Variants in TET3 observed in about 807,000 individuals in gnomAD.
TET3 encodes tet methylcytosine dioxygenase 3, also known as methylcytosine dioxygenase TET3.
TET3 carries 19 observed loss-of-function variants against 141.4 expected under a neutral mutation model. The ratio of observed to expected loss-of-function variants is 0.13; its 90% CI spans 0.09 to 0.20. TET3 has a LOEUF of 0.20. Among genes scored for constraint, TET3 ranks in the 10% least tolerant of loss-of-function variants. TET3 has a pLI of 1.00. For missense variants in TET3, 1,874 were observed against 2,356.9 expected, an observed-to-expected ratio of 0.80 and a Z score of 4.24; for synonymous variants, 1,043 against 980.9, an observed-to-expected ratio of 1.06 and a Z score of -1.18.
chr2:74,066,596 A>AGC (rs999475997), intron 4 of TET3, among the ~76,000 whole-genome samples: 125 of 134,418 alleles, frequency 9.3e-4, no homozygotes, highest in African/African-American at 3.5e-3. Flanking sequence ...AAGTAAAAGA[A>AGC]ACTGCTTTTA....
chr2:74,127,930 C>T, the TET3 span, among the ~76,000 whole-genome samples: 1 of 152,174 alleles, frequency 6.6e-6, no homozygotes, highest in African/African-American at 2.4e-5. Context: ...AGTACTGAAA[C>T]AATTCCCAAA....
rs1471171520 is a variant in TET3, at chr2:74,104,384, G to A, written c.*2208G>A. The A allele has an allele frequency of 1.3e-5, 2 of 152,174 alleles. No homozygotes were observed. Among genetic ancestry groups the A allele is most frequent in the Non-Finnish European group, 2.9e-5 (2 of 68,036 alleles). 9.4% of individuals were successfully genotyped at this position (152,174 alleles called of 1,614,324 possible). A position where few individuals can be genotyped will look rare whatever the true frequency, so the allele number is the denominator to read the frequency against. On this transcript the variant is annotated 3_prime_UTR_variant, in exon 12 of 12. Coordinates refer to ENST00000409262, the MANE Select transcript of TET3 (RefSeq NM_001287491.2). ...CCTTCAGTTTGACAAGCTAAAGGAA[G>A]CAGAGTCTTTAATGAGCATGCTAAT...
At chr2:74,118,935 G>A in the TET3 span, among the ~76,000 whole-genome samples, 2 of 152,108 alleles carry the variant, frequency 1.3e-5, no homozygotes, top group Non-Finnish European at 2.9e-5. Context: ...TTATAATTGT[G>A]TTTTCCTCCT....
In TET3 at chr2:74,048,284, C is replaced by T; in HGVS notation, c.2367C>T (p.Asn789=). ...AGGCCACACCCACCAAGGCTGAGAACCCACTCACACCCACCCTCAGTGGCT... is the reference window on the plus strand; with the variant it reads ...AGGCCACACCCACCAAGGCTGAGAATCCACTCACACCCACCCTCAGTGGCT... The part of the protein sequence containing the change: ...GQEATPTKAE[N]PLTPTLSGFL... Residue 789 remains asparagine (N), a synonymous_variant, in exon 4 of 12, where the codon AAC becomes AAT. Coordinates refer to ENST00000409262, the MANE Select transcript of TET3 (RefSeq NM_001287491.2). 2 of 1,613,880 alleles carry T rather than the reference C, an allele frequency of 1.2e-6. No homozygotes were observed. The highest frequency in any genetic ancestry group is 8.5e-7 in the Non-Finnish European group (1 of 1,179,842).
chr2:74,042,799 T>C (rs10191539), intron 3 of TET3, among the ~76,000 whole-genome samples: 59,876 of 152,144 alleles, frequency 0.39, 14,860 homozygotes, highest in African/African-American at 0.7. Flanking sequence ...CCTCCAGCAT[T>C]ACTGACAGGT....
intron 3 of TET3, among the ~76,000 whole-genome samples, chr2:74,005,215 G>A (rs7608044): frequency 0.18 from 27,244 of 152,130 alleles, 3,285 homozygotes; most frequent in African/African-American, 0.34. Flanking sequence ...CCAGCCTAAT[G>A]CCCCAGCCTT....
downstream of TET3, among the ~76,000 whole-genome samples, chr2:74,109,358 A>G (rs539824467): frequency 6.6e-6 from 1 of 152,380 alleles, no homozygotes; most frequent in East Asian, 1.9e-4. Flanking sequence ...GAGTGTGTAA[A>G]TACGACCCAT....
chr2:74,004,302 G>T (rs1013537424), intron 3 of TET3, among the ~76,000 whole-genome samples: 1 of 152,190 alleles, frequency 6.6e-6, no homozygotes, highest in Admixed American at 6.5e-5. Context: ...GATACCCTTA[G>T]TTTCCTCCCT....
intron 3 of TET3, among the ~76,000 whole-genome samples, chr2:74,037,908 A>G (rs887626259): frequency 1.3e-5 from 2 of 152,224 alleles, no homozygotes; most frequent in Non-Finnish European, 2.9e-5. Context: ...ACCTGGTGTC[A>G]TATCTGTATC....
chr2:74,119,189 C>A, the TET3 span, among the ~76,000 whole-genome samples: 1 of 152,038 alleles, frequency 6.6e-6, no homozygotes, highest in Non-Finnish European at 1.5e-5. Context: ...CCTGGCTCTA[C>A]TAAAAATCCA....
chr2:74,113,603 A>T, the TET3 span, among the ~76,000 whole-genome samples: 1 of 148,274 alleles, frequency 6.7e-6, no homozygotes, highest in African/African-American at 2.5e-5. Context: ...GTTGCAGGAT[A>T]AAAAAAAAAA....
intron 5 of TET3, among the ~76,000 whole-genome samples, chr2:74,075,579 T>G (rs1203089805): frequency 6.6e-6 from 1 of 152,124 alleles, no homozygotes; most frequent in Non-Finnish European, 1.5e-5. Context: ...TCTGCCCACG[T>G]TGGCCTCCCA....
chr2:74,108,831 G>A (rs932926120), downstream of TET3, among the ~76,000 whole-genome samples: 1 of 152,162 alleles, frequency 6.6e-6, no homozygotes, highest in African/African-American at 2.4e-5. Context: ...CAGCCCAGCT[G>A]TTGATAAGGA....
chr2:74,021,671 G>A (rs73948287), intron 3 of TET3, among the ~76,000 whole-genome samples: 3,923 of 152,280 alleles, frequency 0.026, 160 homozygotes, highest in African/African-American at 0.087. Flanking sequence ...CCATGGTCAG[G>A]CAGCGTTGAT....
chr2:74,031,444 C>T (rs1686683368), intron 3 of TET3, among the ~76,000 whole-genome samples: 1 of 152,146 alleles, frequency 6.6e-6, no homozygotes, highest in South Asian at 2.1e-4. Context: ...CCAGGCCTTT[C>T]AGATGAACAT....
intron 4 of TET3, among the ~76,000 whole-genome samples, chr2:74,060,705 G>A (rs897804508): frequency 2.0e-5 from 3 of 152,132 alleles, no homozygotes; most frequent in African/African-American, 7.2e-5. Context: ...GGGTACTTGA[G>A]ATTAGGGAGT....
chr2:74,076,238 C>T (rs1475425466), intron 5 of TET3, among the ~76,000 whole-genome samples: 1 of 151,906 alleles, frequency 6.6e-6, no homozygotes, highest in Non-Finnish European at 1.5e-5. Context: ...GGGAGGAATT[C>T]CTCTCAAGAC....
intron 3 of TET3, among the ~76,000 whole-genome samples, chr2:74,032,451 CTGTGTGTG>C (rs61217149): frequency 0.19 from 13,437 of 71,724 alleles, 1,573 homozygotes; most frequent in South Asian, 0.21. Flanking sequence ...GGGTGTGTCT[CTGTGTGTG>C]TGTGTGTGTG....
intron 3 of TET3, among the ~76,000 whole-genome samples, chr2:74,034,575 T>TA (rs57991784): frequency 0.18 from 23,933 of 129,942 alleles, 2,409 homozygotes; most frequent in East Asian, 0.4. Context: ...GAGCATTGAT[T>TA]AAAAAAAAAA....
Sources: gnomAD v4.1 joint callset for allele counts (sites outside exome capture counted in the v4.1 genomes callset) on GRCh38, gnomAD v4.1.1 for gene constraint, MANE v1.5 for transcripts, NCBI Gene and HGNC (gene_info 2026-07-23, HGNC 2026-07-21) for gene names.